Variants in LAMA2 observed in about 807,000 individuals in gnomAD.
The protein encoded by LAMA2 is laminin subunit alpha 2, also known as laminin subunit alpha-2.
Under a neutral mutation model 364.8 loss-of-function variants are expected in LAMA2, and 269 were observed. That is an observed-to-expected ratio of 0.74 (90% CI 0.67 to 0.82). The LOEUF is 0.82. Among genes scored for constraint, LAMA2 ranks in the 40% least tolerant of loss-of-function variants. LAMA2 has a pLI of 0.00. For missense variants in LAMA2, 3,807 were observed against 3,873.2 expected, an observed-to-expected ratio of 0.98 and a Z score of 0.45; for synonymous variants, 1,379 against 1,370.6, an observed-to-expected ratio of 1.01 and a Z score of -0.14.
chr6:129,056,416 A>G (rs1052891865), intron 2 of LAMA2, among the ~76,000 whole-genome samples: 4 of 152,180 alleles, frequency 2.6e-5, no homozygotes, highest in African/African-American at 7.2e-5. Context: ...TTTACTTTTC[A>G]TTAATGAGAC....
At chr6:128,935,225 C>A (rs1779744465) in intron 1 of LAMA2, among the ~76,000 whole-genome samples, 1 of 150,966 alleles carries the variant, frequency 6.6e-6, no homozygotes, top group Non-Finnish European at 1.5e-5. Flanking sequence ...CCCCACACCC[C>A]CCCCAACAGA....
chr6:129,485,257 A>G (rs960987973), intron 55 of LAMA2, among the ~76,000 whole-genome samples: 5 of 152,322 alleles, frequency 3.3e-5, no homozygotes, highest in Middle Eastern at 3.4e-3. Flanking sequence ...CTCCTCTTCA[A>G]GATAAAAGAA....
At chr6:129,440,580 A>T (rs1562565764) in intron 42 of LAMA2, among the ~76,000 whole-genome samples, 2 of 152,178 alleles carry the variant, frequency 1.3e-5, no homozygotes, top group South Asian at 4.1e-4. Flanking sequence ...CATTTAGAAT[A>T]GTCACGTCAC....
intron 1 of LAMA2, among the ~76,000 whole-genome samples, chr6:129,030,846 GTGACTCTAAT>G (rs1460747477): frequency 6.6e-6 from 1 of 152,060 alleles, no homozygotes; most frequent in Non-Finnish European, 1.5e-5. Context: ...TATGATGTCA[GTGACTCTAAT>G]TGTCTCTGAA....
At chr6:128,992,077 A>C (rs937022269) in intron 1 of LAMA2, among the ~76,000 whole-genome samples, 3 of 152,230 alleles carry the variant, frequency 2.0e-5, no homozygotes, top group Admixed American at 6.5e-5. Context: ...CTTAGCATTT[A>C]TAGATGTAGC....
intron 4 of LAMA2, among the ~76,000 whole-genome samples, chr6:129,139,204 G>A (rs1777974130): frequency 6.6e-6 from 1 of 152,030 alleles, no homozygotes; most frequent in South Asian, 2.1e-4. Flanking sequence ...TTTACTCTGT[G>A]CTAGAAACAC....
intron 60 of LAMA2, among the ~76,000 whole-genome samples, chr6:129,504,380 G>T (rs1367237478): frequency 6.6e-6 from 1 of 152,174 alleles, no homozygotes; most frequent in Non-Finnish European, 1.5e-5. Flanking sequence ...ACTATAATTA[G>T]TCAAATTAAT....
intron 3 of LAMA2, among the ~76,000 whole-genome samples, chr6:129,090,083 A>G (rs1172774702): frequency 6.6e-6 from 1 of 152,188 alleles, no homozygotes; most frequent in Non-Finnish European, 1.5e-5. Flanking sequence ...TTATTATGTG[A>G]AAGGGAATCA....
Position 129,192,758 on chromosome 6 carries a change from T to G in LAMA2, c.1687T>G (p.Ser563Ala). 6.2e-7 allele frequency: 1 copy of G among 1,614,192 alleles called. No individual in the cohort carries two copies. Among genetic ancestry groups the G allele is most frequent in the Non-Finnish European group, 8.5e-7 (1 of 1,180,038 alleles). Residue 563 changes from serine to alanine, a missense_variant, in exon 12 of 65, where the codon TCA (serine) becomes GCA (alanine). Ser to Ala is a moderately conservative substitution (Grantham distance 99). Coordinates refer to ENST00000421865, the MANE Select transcript of LAMA2 (RefSeq NM_000426.4). The part of the protein sequence containing the change: ...RVAPQQDDLD[S>A]PQQISISNAE... ...GGCTCCCCAGCAGGACGACTTGGAC[T>G]CACCTCAGCAGATCAGCATCAGTAA...
intron 1 of LAMA2, among the ~76,000 whole-genome samples, chr6:129,048,485 TTTCTTTCTTTCCTTCCTTCCTTCCTTCC>T (rs1446602041): frequency 1.1e-5 from 1 of 86,966 alleles, no homozygotes; most frequent in Admixed American, 1.3e-4. Flanking sequence ...TCTTTCTTTC[TTTCTTTCTTTCCTTCCTTCCTTCCTTCC>T]TTCCTTCCTT....
chr6:129,250,226 G>T lies in LAMA2; in HGVS notation c.1884+13G>T. 6.9e-7 allele frequency: 1 copy of T among 1,449,148 alleles called. No homozygotes were observed. The highest frequency in any genetic ancestry group is 9.7e-7 in the Non-Finnish European group (1 of 1,031,576). The allele number at this position is 1,449,148 out of a possible 1,614,324, so 89.8% of individuals were successfully genotyped here. A position where few individuals can be genotyped will look rare whatever the true frequency, so the allele number is the denominator to read the frequency against. ...GATTATCTTAGAGGTAGAGTACTGA[G>T]AGCATGTTCACCCGTGTTACTTCCT... is the stretch of plus-strand genomic sequence containing the variant. On this transcript the variant is annotated intron_variant, in intron 13 of 64. Transcript: ENST00000421865.
chr6:129,439,203 A>G (rs1486937359), intron 42 of LAMA2, among the ~76,000 whole-genome samples: 1 of 152,022 alleles, frequency 6.6e-6, no homozygotes, highest in Non-Finnish European at 1.5e-5. Flanking sequence ...TATAATGTAA[A>G]TGCTATGTAA....
chr6:129,423,742 C>T lies in LAMA2; in HGVS notation c.5866-4010C>T, dbSNP rs138515972. The stretch of plus-strand genomic sequence containing the variant: ...TGTAAAAGACCCCCTACACTGAATA[C>T]TCTGGAGATAAATAAAAGAAAATCT... On this transcript the variant is annotated intron_variant, in intron 40 of 64. Coordinates refer to ENST00000421865, the MANE Select transcript of LAMA2 (RefSeq NM_000426.4). Among the ~76,000 whole-genome samples the T allele has an allele frequency of 9.2e-4, 140 of 152,118 alleles. 1 individual carries two copies. The East Asian group carries it at 0.023, about 25-fold the overall frequency.
chr6:128,996,739 C>A (rs1314892136), intron 1 of LAMA2, among the ~76,000 whole-genome samples: 1 of 152,160 alleles, frequency 6.6e-6, no homozygotes, highest in Non-Finnish European at 1.5e-5. Context: ...GGATCTAGAA[C>A]CGGAAATACC....
chr6:129,154,959 T>C (rs2114977056), intron 8 of LAMA2, among the ~76,000 whole-genome samples: 1 of 152,304 alleles, frequency 6.6e-6, no homozygotes, highest in East Asian at 1.9e-4. Flanking sequence ...CGTAAATTAG[T>C]TGTGCCTCTT....
intron 20 of LAMA2, among the ~76,000 whole-genome samples, chr6:129,293,597 G>A (rs767466530): frequency 3.9e-5 from 6 of 152,188 alleles, no homozygotes; most frequent in Non-Finnish European, 8.8e-5. Context: ...AACGGGGAAA[G>A]TTGTTTCTAA....
chr6:129,099,125 G>GTTTTTTTTTTTTTTTT (rs370334822), intron 4 of LAMA2, among the ~76,000 whole-genome samples: 1 of 129,802 alleles, frequency 7.7e-6, no homozygotes. Flanking sequence ...TTTTTTTTTT[G>GTTTTTTTTTTTTTTTT]TTTTTTTTTT....
At chr6:129,283,271 A>T (rs1788857524) in intron 18 of LAMA2, among the ~76,000 whole-genome samples, 1 of 152,178 alleles carries the variant, frequency 6.6e-6, no homozygotes, top group Non-Finnish European at 1.5e-5. Context: ...AAAAGAGATT[A>T]AGTAAGCAAT....
chr6:129,014,204 A>G (rs1270903613), intron 1 of LAMA2, among the ~76,000 whole-genome samples: 4 of 152,190 alleles, frequency 2.6e-5, no homozygotes, highest in African/African-American at 4.8e-5. Flanking sequence ...AGACATCTAA[A>G]TAGAACTATT....
Sources: allele counts gnomAD v4.1 joint callset (sites outside exome capture counted in the v4.1 genomes callset), GRCh38; gene constraint gnomAD v4.1.1; transcripts MANE v1.5; gene names NCBI Gene and HGNC (gene_info 2026-07-23, HGNC 2026-07-21).